Variants in EPHA6 observed in about 807,000 individuals in gnomAD.
The protein encoded by EPHA6 is EPH receptor A6.
A neutral mutation model predicts 112.0 loss-of-function variants in EPHA6; 50 were observed. That is an observed-to-expected ratio of 0.45 (90% CI 0.36 to 0.56). EPHA6 has a LOEUF of 0.56. Among genes scored for constraint, EPHA6 ranks in the 20% least tolerant of loss-of-function variants. The pLI is 0.00. For missense variants in EPHA6, 1,280 were observed against 1,417.4 expected (o/e 0.90, Z 1.56); for synonymous variants, 529 against 490.7 (o/e 1.08, Z -1.03).
chr3:97,060,119 TCAAA>T (rs1028409691), intron 3 of EPHA6, among the ~76,000 whole-genome samples: 3 of 152,138 alleles, frequency 2.0e-5, no homozygotes, highest in African/African-American at 4.8e-5. Context: ...AGACTCCGTC[TCAAA>T]CAAACAAAAA....
intron 7 of EPHA6, among the ~76,000 whole-genome samples, chr3:97,458,993 A>G (rs2090794158): frequency 6.6e-6 from 1 of 152,204 alleles, no homozygotes; most frequent in African/African-American, 2.4e-5. Context: ...ATAAGGGAGC[A>G]CAAGGAGAAA....
chr3:97,659,081 G>A (rs935956749), intron 14 of EPHA6, among the ~76,000 whole-genome samples: 1 of 151,926 alleles, frequency 6.6e-6, no homozygotes, highest in Non-Finnish European at 1.5e-5. Flanking sequence ...AGAGGAAGGA[G>A]CAAATGAAAT....
chr3:97,079,546 A>G (rs934581228), intron 3 of EPHA6, among the ~76,000 whole-genome samples: 13 of 151,042 alleles, frequency 8.6e-5, no homozygotes, highest in African/African-American at 3.2e-4. Flanking sequence ...ACAGACCCCT[A>G]TGACACAAGT....
intron 3 of EPHA6, among the ~76,000 whole-genome samples, chr3:97,118,281 A>T (rs2047949883): frequency 1.3e-5 from 2 of 151,124 alleles, no homozygotes; most frequent in Admixed American, 1.3e-4. Context: ...ATTGAATATT[A>T]TTTGTCTTTT....
intron 10 of EPHA6, among the ~76,000 whole-genome samples, chr3:97,491,152 C>T (rs1192989796): frequency 6.6e-6 from 1 of 152,140 alleles, no homozygotes; most frequent in Non-Finnish European, 1.5e-5. Context: ...AAATATGATA[C>T]TAGACCCTCC....
At chr3:97,544,994 T>C (rs1017117193) in intron 11 of EPHA6, among the ~76,000 whole-genome samples, 1 of 152,236 alleles carries the variant, frequency 6.6e-6, no homozygotes, top group Admixed American at 6.5e-5. Flanking sequence ...ATCAATTTTG[T>C]TGATCCTTTC....
intron 3 of EPHA6, among the ~76,000 whole-genome samples, chr3:97,024,465 G>A (rs1294495607): frequency 1.3e-5 from 2 of 152,070 alleles, no homozygotes; most frequent in Non-Finnish European, 1.5e-5. Context: ...TAATTGATCT[G>A]AAAGAAATTC....
chr3:97,120,347 T>C (rs2048007611), intron 3 of EPHA6, among the ~76,000 whole-genome samples: 1 of 151,974 alleles, frequency 6.6e-6, no homozygotes. Context: ...AGGTAAGTTT[T>C]ATAAAACTTG....
chr3:97,011,982 T>C (rs541329732), intron 3 of EPHA6, among the ~76,000 whole-genome samples: 1 of 152,124 alleles, frequency 6.6e-6, no homozygotes, highest in African/African-American at 2.4e-5. Flanking sequence ...GCGAAGAACA[T>C]TATTTCTTTC....
At chr3:97,216,254 G>A (rs2078031698) in intron 3 of EPHA6, among the ~76,000 whole-genome samples, 1 of 152,130 alleles carries the variant, frequency 6.6e-6, no homozygotes, top group Admixed American at 6.5e-5. Context: ...GGAGCAAGGG[G>A]TGGGGAGGTT....
At chr3:97,599,048 G>T (rs1454831577) in intron 12 of EPHA6, among the ~76,000 whole-genome samples, 3 of 152,024 alleles carry the variant, frequency 2.0e-5, no homozygotes, top group Non-Finnish European at 4.4e-5. Flanking sequence ...GTGTTTTTTG[G>T]CTGCATAAAT....
At chr3:97,531,145 C>T (rs949393991) in intron 10 of EPHA6, among the ~76,000 whole-genome samples, 19 of 152,030 alleles carry the variant, frequency 1.2e-4, no homozygotes, top group Non-Finnish European at 2.2e-4. Flanking sequence ...TTTTGATCTT[C>T]CCAATATCCT....
At chr3:97,626,802 A>G (rs1344974064) in intron 13 of EPHA6, among the ~76,000 whole-genome samples, 3 of 151,816 alleles carry the variant, frequency 2.0e-5, no homozygotes, top group Non-Finnish European at 2.9e-5. Context: ...GAATTGGCAA[A>G]TGCTACAAAT....
intron 5 of EPHA6, among the ~76,000 whole-genome samples, chr3:97,364,717 T>C (rs1352176181): frequency 1.3e-5 from 2 of 152,158 alleles, no homozygotes; most frequent in African/African-American, 2.4e-5. Context: ...AAAGTCCTAT[T>C]TAAATAATGT....
At chr3:97,565,797 T>C (rs2093256739) in intron 11 of EPHA6, among the ~76,000 whole-genome samples, 1 of 152,002 alleles carries the variant, frequency 6.6e-6, no homozygotes, top group Non-Finnish European at 1.5e-5. Context: ...GGCAGGTGGA[T>C]CACAAGGTCA....
intron 3 of EPHA6, among the ~76,000 whole-genome samples, chr3:97,217,463 G>T (rs1172007557): frequency 6.6e-6 from 1 of 152,078 alleles, no homozygotes; most frequent in Non-Finnish European, 1.5e-5. Context: ...AAATATAAAT[G>T]ATCTAAATAC....
intron 14 of EPHA6, among the ~76,000 whole-genome samples, chr3:97,706,214 G>T (rs1459331917): frequency 6.6e-6 from 1 of 151,996 alleles, no homozygotes; most frequent in Non-Finnish European, 1.5e-5. Flanking sequence ...AGTGCAAAAG[G>T]TCAAAAGAGA....
Position 96,907,116 on chromosome 3 carries a change from T to TA in EPHA6, c.450+40234dup, listed in dbSNP as rs200196028. Among the ~76,000 whole-genome samples the TA allele has an allele frequency of 2.1e-3, 326 of 151,938 alleles. 3 individuals are homozygous for TA. Among genetic ancestry groups the TA allele is most frequent in the East Asian group, 0.017 (90 of 5,164 alleles). On this transcript the variant is annotated intron_variant, in intron 2 of 17. Transcript: ENST00000389672. ...TTATAATGAAAGGATCTGCAGAAAT[T>TA]AAAAAAACATATATACAATGGGCAT...
intron 2 of EPHA6, among the ~76,000 whole-genome samples, chr3:96,964,340 C>A (rs191692858): frequency 3.9e-5 from 6 of 152,274 alleles, no homozygotes; most frequent in Non-Finnish European, 7.4e-5. Context: ...TATGCAAGTC[C>A]TCTCTTGCCT....
Sources: gnomAD v4.1 joint callset for allele counts (sites outside exome capture counted in the v4.1 genomes callset) on GRCh38, gnomAD v4.1.1 for gene constraint, MANE v1.5 for transcripts, NCBI Gene and HGNC (gene_info 2026-07-23, HGNC 2026-07-21) for gene names.